GRM3: variants seen among roughly 807,000 people sequenced by gnomAD.
GRM3 encodes the protein glutamate metabotropic receptor 3, also known as metabotropic glutamate receptor 3.
A neutral mutation model predicts 70.5 loss-of-function variants in GRM3; 26 were observed. That is an observed-to-expected ratio of 0.37 (90% CI 0.27 to 0.51). The LOEUF (loss-of-function observed/expected upper bound fraction) is 0.51. Ranked by LOEUF, GRM3 falls within the 20% of genes least tolerant of loss-of-function variation. GRM3 has a pLI of 0.93. For synonymous variants in GRM3, 443 were observed against 434.9 expected, an observed-to-expected ratio of 1.02 and a Z score of -0.23; for missense variants, 859 against 1,123.8, an observed-to-expected ratio of 0.76 and a Z score of 3.37.
intron 1 of GRM3, among the ~76,000 whole-genome samples, chr7:86,693,245 C>T (rs1408173566): frequency 1.3e-5 from 2 of 152,184 alleles, no homozygotes; most frequent in Non-Finnish European, 2.9e-5. Context: ...ATAAGACTTA[C>T]TTTTAAATAA....
At chr7:86,690,948 T>C (rs769149878) in intron 1 of GRM3, among the ~76,000 whole-genome samples, 1 of 152,158 alleles carries the variant, frequency 6.6e-6, no homozygotes, top group Non-Finnish European at 1.5e-5. Flanking sequence ...TAAACATCTT[T>C]ACCATAAGGA....
chr7:86,821,062 C>T lies in GRM3; in HGVS notation c.1325-17777C>T, dbSNP rs1010467343. Among the ~76,000 whole-genome samples the T allele has an allele frequency of 2.6e-5, 4 of 152,040 alleles. 1 individual carries two copies. The highest frequency in any genetic ancestry group is 7.2e-5 in the African/African-American group (3 of 41,398). On this transcript the variant is annotated intron_variant, in intron 3 of 5. Coordinates refer to ENST00000361669, the MANE Select transcript of GRM3 (RefSeq NM_000840.3). The stretch of plus-strand genomic sequence containing the variant: ...ACCCCTGTAGCAGAGGTAATAGTCA[C>T]GCAAAACTTGGGGGTGGGGTGGGGC...
At chr7:86,696,694 AGTGGTGGTG>A (rs200448311) in intron 1 of GRM3, among the ~76,000 whole-genome samples, 8 of 151,260 alleles carry the variant, frequency 5.3e-5, no homozygotes, top group East Asian at 3.9e-4. Context: ...CTGTAGTAAT[AGTGGTGGTG>A]GTGGTGGTGG....
intron 1 of GRM3, among the ~76,000 whole-genome samples, chr7:86,711,611 CTTA>C: frequency 6.6e-6 from 1 of 152,108 alleles, no homozygotes; most frequent in Non-Finnish European, 1.5e-5. Flanking sequence ...CTTCATCTGG[CTTA>C]GCTTTTCAGC....
At chr7:86,801,580 G>A in intron 3 of GRM3, among the ~76,000 whole-genome samples, 1 of 152,184 alleles carries the variant, frequency 6.6e-6, no homozygotes, top group East Asian at 1.9e-4. Context: ...GTGTGAAACA[G>A]TGTCAGGTAC....
chr7:86,661,561 A>G lies in GRM3; in HGVS notation c.-141+16689A>G, dbSNP rs76986663. 3.5e-3 allele frequency among the ~76,000 whole-genome samples: 533 copies of G among 152,116 alleles called. 4 individuals are homozygous for G. Among genetic ancestry groups the G allele is most frequent in the African/African-American group, 0.012 (506 of 41,554 alleles). On this transcript the variant is annotated intron_variant, in intron 1 of 5. Coordinates refer to ENST00000361669, the MANE Select transcript of GRM3 (RefSeq NM_000840.3). ...ATTTACAAAGTACTCAATGGAATGT[A>G]GACTTCAAGAATCACAACTTCAGTG...
rs570493360 is a variant in GRM3, at chr7:86,796,681, C to T, written c.1324+9565C>T. On this transcript the variant is annotated intron_variant, in intron 3 of 5. Coordinates refer to ENST00000361669, the MANE Select transcript of GRM3 (RefSeq NM_000840.3). Reference sequence around the variant, plus strand: ...GGCCATCTTCACGATACTGATTCTTCCTATCCATGAGCATGGAATGTTTTT... The same window carrying T: ...GGCCATCTTCACGATACTGATTCTTTCTATCCATGAGCATGGAATGTTTTT... Among the ~76,000 whole-genome samples, 3 of 152,302 alleles carry T rather than the reference C, an allele frequency of 2.0e-5. No homozygotes were observed. In the South Asian group the frequency reaches 6.2e-4, roughly 32 times the overall value.
chr7:86,659,234 T>C (rs1793829273), intron 1 of GRM3, among the ~76,000 whole-genome samples: 1 of 152,160 alleles, frequency 6.6e-6, no homozygotes, highest in South Asian at 2.1e-4. Context: ...TTTCTCAAAA[T>C]GAATGCGGTT....
chr7:86,856,152 A>G (rs1798841301), intron 5 of GRM3, among the ~76,000 whole-genome samples: 3 of 152,092 alleles, frequency 2.0e-5, no homozygotes, highest in African/African-American at 7.2e-5. Flanking sequence ...TAGAAAGTTC[A>G]CAGAAAAGAG....
Position 86,864,727 on chromosome 7 carries a change from T to C in GRM3, c.*372T>C, listed in dbSNP as rs1799031631. 1 of 165,356 alleles carries C rather than the reference T, an allele frequency of 6.0e-6. No homozygotes were observed. Among genetic ancestry groups the C allele is most frequent in the Admixed American group, 6.1e-5 (1 of 16,478 alleles). The allele number at this position is 165,356 out of a possible 1,614,324, so 10.2% of individuals were successfully genotyped here. On this transcript the variant is annotated 3_prime_UTR_variant, in exon 6 of 6. Coordinates refer to ENST00000361669, the MANE Select transcript of GRM3 (RefSeq NM_000840.3). ...TAACCTTTTTTCCTATGAAGTTTTTTGTAGGTCCTTGTTGTAACTAATTTA... is the reference window on the plus strand; with the variant it reads ...TAACCTTTTTTCCTATGAAGTTTTTCGTAGGTCCTTGTTGTAACTAATTTA...
At chr7:86,708,682 G>T (rs958670864) in intron 1 of GRM3, among the ~76,000 whole-genome samples, 1 of 152,066 alleles carries the variant, frequency 6.6e-6, no homozygotes, top group Non-Finnish European at 1.5e-5. Context: ...TCCACTATTG[G>T]AAGAATAGAG....
intron 3 of GRM3, among the ~76,000 whole-genome samples, chr7:86,799,804 CA>C (rs1352149567): frequency 6.6e-6 from 1 of 152,194 alleles, no homozygotes; most frequent in Non-Finnish European, 1.5e-5. Flanking sequence ...GCTGGGATTA[CA>C]GGCGTGAGCC....
chr7:86,765,843 C>T (rs995904237), intron 2 of GRM3, among the ~76,000 whole-genome samples: 1 of 151,926 alleles, frequency 6.6e-6, no homozygotes, highest in Admixed American at 6.6e-5. Flanking sequence ...AAACACTACC[C>T]CCAAAATTCA....
At chr7:86,660,274 C>T (rs572821905) in intron 1 of GRM3, among the ~76,000 whole-genome samples, 5 of 152,048 alleles carry the variant, frequency 3.3e-5, no homozygotes, top group African/African-American at 7.2e-5. Flanking sequence ...GAAATGATTG[C>T]GAATTAATTG....
rs192762823 is a variant in GRM3, at chr7:86,844,671, A to G, written c.2391+4766A>G. 3.3e-3 allele frequency among the ~76,000 whole-genome samples: 510 copies of G among 152,274 alleles called. 1 individual carries two copies. The highest frequency in any genetic ancestry group is 4.3e-3 in the Non-Finnish European group (294 of 68,010). On this transcript the variant is annotated intron_variant, in intron 4 of 5. Coordinates refer to ENST00000361669, the MANE Select transcript of GRM3 (RefSeq NM_000840.3). ...ACTGGGGTCAGAACCATCCCATAGT[A>G]GGATGTTAACAATGGAGATGGTTAG...
In GRM3 at chr7:86,682,641, C is replaced by T. The variant is rs10267260; in HGVS notation, c.-141+37769C>T. ...ATCATCCAGCATGCCCCAAATCTTACCAATTTCAATTTTCACATTAAGAGA... is the reference window on the plus strand; with the variant it reads ...ATCATCCAGCATGCCCCAAATCTTATCAATTTCAATTTTCACATTAAGAGA... On this transcript the variant is annotated intron_variant, in intron 1 of 5. Coordinates refer to ENST00000361669, the MANE Select transcript of GRM3 (RefSeq NM_000840.3). Among the ~76,000 whole-genome samples, 559 of 152,214 alleles carry T rather than the reference C, an allele frequency of 3.7e-3. 3 individuals are homozygous for T. Among genetic ancestry groups the T allele is most frequent in the African/African-American group, 0.013 (529 of 41,546 alleles).
At chr7:86,827,754 T>C (rs1402670881) in intron 3 of GRM3, among the ~76,000 whole-genome samples, 1 of 152,118 alleles carries the variant, frequency 6.6e-6, no homozygotes, top group Non-Finnish European at 1.5e-5. Flanking sequence ...CCTCAGGCGA[T>C]CCACCTCCCA....
intron 1 of GRM3, among the ~76,000 whole-genome samples, chr7:86,717,401 T>C (rs999257820): frequency 1.3e-5 from 2 of 152,014 alleles, no homozygotes; most frequent in Non-Finnish European, 2.9e-5. Context: ...TACAATATGA[T>C]AGATACAGAC....
chr7:86,682,415 T>G (rs1052376040), intron 1 of GRM3, among the ~76,000 whole-genome samples: 1 of 152,166 alleles, frequency 6.6e-6, no homozygotes, highest in Non-Finnish European at 1.5e-5. Context: ...ATGTACCCAG[T>G]AAGATAAAAA....
Sources: allele counts gnomAD v4.1 joint callset (sites outside exome capture counted in the v4.1 genomes callset), GRCh38; gene constraint gnomAD v4.1.1; transcripts MANE v1.5; gene names NCBI Gene and HGNC (gene_info 2026-07-23, HGNC 2026-07-21).